HIRA: variants seen among roughly 807,000 people sequenced by gnomAD.
HIRA encodes histone cell cycle regulator.
A neutral mutation model predicts 126.6 loss-of-function variants in HIRA; 13 were observed. The ratio of observed to expected loss-of-function variants is 0.10; its 90% CI spans 0.07 to 0.16. The LOEUF (loss-of-function observed/expected upper bound fraction) is 0.16. HIRA is among the 10% of genes least tolerant of loss of function. The pLI is 1.00. For synonymous variants in HIRA, 511 were observed against 520.0 expected (o/e 0.98, Z 0.24); for missense variants, 834 against 1,314.4 (o/e 0.63, Z 5.65).
Position 19,402,278 on chromosome 22 carries a change from G to GA in HIRA, c.397+3507dup, listed in dbSNP as rs1348994081. 2.6e-5 allele frequency among the ~76,000 whole-genome samples: 4 copies of GA among 152,204 alleles called. No homozygotes were observed. In the East Asian group the frequency reaches 7.7e-4, roughly 29 times the overall value. On this transcript the variant is annotated intron_variant, in intron 5 of 24. Transcript: ENST00000263208. ...TGTGGACAAGTAAATATTAATTTGG[G>GA]AAAAAATGTATTTCATCTAGCCTTT...
chr22:19,338,385 G>A, intron 24 of HIRA, among the ~76,000 whole-genome samples: 2 of 146,906 alleles, frequency 1.4e-5, no homozygotes, highest in Admixed American at 7.0e-5. Flanking sequence ...AAACTCACAG[G>A]GTCTATAAAA....
chr22:19,399,829 T>C (rs1337006465), intron 5 of HIRA, among the ~76,000 whole-genome samples: 10 of 152,218 alleles, frequency 6.6e-5, no homozygotes, highest in Admixed American at 6.5e-4. Flanking sequence ...TTGTCTCTTA[T>C]CTAATGTGTT....
chr22:19,384,095 A>G (rs978904707), intron 12 of HIRA, among the ~76,000 whole-genome samples: 2 of 152,072 alleles, frequency 1.3e-5, no homozygotes, highest in Non-Finnish European at 2.9e-5. Context: ...CGAGGTGGAC[A>G]GATCACAAGG....
chr22:19,355,614 C>A, intron 21 of HIRA, 146 bp downstream of exon 21: 1 of 627,736 alleles, frequency 1.6e-6, no homozygotes, highest in Admixed American at 2.6e-5. Context: ...GGAGCATGCA[C>A]AGATAGTCAA....
At chr22:19,353,847 C>T in intron 22 of HIRA, 149 bp downstream of exon 22, 1 of 991,050 alleles carries the variant, frequency 1.0e-6, no homozygotes, top group South Asian at 1.7e-5. Context: ...CTAGTCCGTC[C>T]TGCCCAGCCT....
At chr22:19,426,119 C>T (rs1438154432) in intron 1 of HIRA, among the ~76,000 whole-genome samples, 1 of 152,332 alleles carries the variant, frequency 6.6e-6, no homozygotes, top group African/African-American at 2.4e-5. Flanking sequence ...TACCTCTACC[C>T]TGTCTTTAGT....
intron 5 of HIRA, among the ~76,000 whole-genome samples, chr22:19,402,489 A>C (rs550756973): frequency 2.6e-5 from 4 of 152,336 alleles, no homozygotes; most frequent in Admixed American, 6.5e-5. Flanking sequence ...ATTAGTAGCA[A>C]AAGACCAATA....
intron 1 of HIRA, among the ~76,000 whole-genome samples, chr22:19,428,745 G>C (rs536109302): frequency 6.6e-6 from 1 of 152,148 alleles, no homozygotes; most frequent in African/African-American, 2.4e-5. Flanking sequence ...CCAGGTATTT[G>C]AGTCTAGCCT....
At chr22:19,367,897 C>A (rs2088928438) in intron 15 of HIRA, among the ~76,000 whole-genome samples, 1 of 152,184 alleles carries the variant, frequency 6.6e-6, no homozygotes, top group African/African-American at 2.4e-5. Flanking sequence ...TACTTTGGTC[C>A]TTATAAACAT....
intron 5 of HIRA, chr22:19,398,960 C>A (rs1032747483): frequency 1.4e-5 from 3 of 212,462 alleles, no homozygotes; most frequent in Non-Finnish European, 2.4e-5. Context: ...CAGAGTAAGA[C>A]CCTGTCTCAA....
intron 24 of HIRA, among the ~76,000 whole-genome samples, chr22:19,339,496 G>T (rs1400784244): frequency 1.3e-5 from 2 of 152,162 alleles, no homozygotes; most frequent in East Asian, 1.9e-4. Context: ...AATTAGCTGG[G>T]TGTGGTGACG....
At chr22:19,401,187 C>T (rs998253318) in intron 5 of HIRA, among the ~76,000 whole-genome samples, 7 of 152,196 alleles carry the variant, frequency 4.6e-5, no homozygotes, top group African/African-American at 1.7e-4. Context: ...GCCCCCAGCA[C>T]CCTCCATGCT....
intron 1 of HIRA, among the ~76,000 whole-genome samples, chr22:19,428,950 T>C (rs2089509032): frequency 6.6e-6 from 1 of 151,970 alleles, no homozygotes; most frequent in South Asian, 2.1e-4. Flanking sequence ...CAGCCACCAA[T>C]ACTCCTACAG....
chr22:19,378,928 T>C (rs549936174), intron 13 of HIRA, among the ~76,000 whole-genome samples: 6 of 152,354 alleles, frequency 3.9e-5, no homozygotes, highest in African/African-American at 1.2e-4. Context: ...TTTCTCCACA[T>C]AGGTGCTTAG....
chr22:19,413,803 G>C (rs977116306), intron 1 of HIRA, among the ~76,000 whole-genome samples: 2 of 151,836 alleles, frequency 1.3e-5, no homozygotes, highest in African/African-American at 2.4e-5. Flanking sequence ...GTAGAAACAG[G>C]GTTTCACCAT....
At chr22:19,400,580 C>T (rs2089259769) in intron 5 of HIRA, among the ~76,000 whole-genome samples, 1 of 152,208 alleles carries the variant, frequency 6.6e-6, no homozygotes, top group Non-Finnish European at 1.5e-5. Context: ...AATCCACATA[C>T]ATGACATAAT....
chr22:19,337,779 A>G, intron 24 of HIRA, among the ~76,000 whole-genome samples: 1 of 152,088 alleles, frequency 6.6e-6, no homozygotes, highest in East Asian at 1.9e-4. Flanking sequence ...CAGGTAACCT[A>G]TACACGAAAG....
intron 16 of HIRA, 22 bp downstream of exon 16, chr22:19,361,705 A>C (rs1254517112): frequency 6.2e-7 from 1 of 1,609,330 alleles, no homozygotes; most frequent in Non-Finnish European, 8.5e-7. Flanking sequence ...TAAAGAAGGC[A>C]GGATGGGCCC....
intron 21 of HIRA, among the ~76,000 whole-genome samples, 159 bp from the exon 22 acceptor site, chr22:19,354,277 G>A (rs552505720): frequency 5.3e-5 from 8 of 152,314 alleles, no homozygotes; most frequent in African/African-American, 1.7e-4. Context: ...CCGCACAGGC[G>A]CCTATCACTG....
Sources: gnomAD v4.1 joint callset for allele counts (sites outside exome capture counted in the v4.1 genomes callset) on GRCh38, gnomAD v4.1.1 for gene constraint, MANE v1.5 for transcripts, NCBI Gene and HGNC (gene_info 2026-07-23, HGNC 2026-07-21) for gene names.